ZMIZ1: variants seen among roughly 807,000 people sequenced by gnomAD.
ZMIZ1 encodes the protein zinc finger MIZ-type containing 1.
In ZMIZ1, 17 loss-of-function variants were observed where a neutral mutation model predicts 113.9. The ratio of observed to expected loss-of-function variants is 0.15; its 90% CI spans 0.10 to 0.22. The LOEUF (loss-of-function observed/expected upper bound fraction) is 0.22. Ranked by LOEUF, ZMIZ1 falls within the 10% of genes least tolerant of loss-of-function variation. The pLI, the probability that ZMIZ1 is intolerant of heterozygous loss-of-function variation, is 1.00. For synonymous variants in ZMIZ1, 607 were observed against 603.1 expected, an observed-to-expected ratio of 1.01 and a Z score of -0.09; for missense variants, 1,059 against 1,477.8, an observed-to-expected ratio of 0.72 and a Z score of 4.65.
At chr10:79,293,942 A>T in intron 12 of ZMIZ1, 1 of 544,792 alleles carries the variant, frequency 1.8e-6, no homozygotes, top group Non-Finnish European at 3.3e-6. Context: ...CTCAGCAAGC[A>T]GCAGTTCCTC....
chr10:79,072,180 G>T (rs1369675498), intron 1 of ZMIZ1, among the ~76,000 whole-genome samples: 1 of 152,184 alleles, frequency 6.6e-6, no homozygotes, highest in Non-Finnish European at 1.5e-5. Context: ...GGGGAGGAGG[G>T]TTCTTGTTCC....
chr10:79,293,750 A>G (rs1243581424), intron 12 of ZMIZ1, 97 bp downstream of exon 12: 1 of 1,562,620 alleles, frequency 6.4e-7, no homozygotes, highest in Non-Finnish European at 8.8e-7. Context: ...TGTGGCTTGG[A>G]CTCCAGCACA....
intron 5 of ZMIZ1, 21 bp downstream of exon 5, chr10:79,201,713 A>T (rs770219842): frequency 1.4e-5 from 22 of 1,609,426 alleles, no homozygotes; most frequent in Non-Finnish European, 1.9e-5. Context: ...GGCAAGGCAC[A>T]CTCCGAGGGC....
chr10:79,151,954 C>G (rs1211417242), intron 3 of ZMIZ1, among the ~76,000 whole-genome samples: 2 of 152,136 alleles, frequency 1.3e-5, no homozygotes, highest in Non-Finnish European at 2.9e-5. Flanking sequence ...TGCCTCATCT[C>G]GCCCGCCGCC....
chr10:79,307,909 T>TA (rs1444916874), intron 23 of ZMIZ1, among the ~76,000 whole-genome samples: 1 of 152,100 alleles, frequency 6.6e-6, no homozygotes, highest in Non-Finnish European at 1.5e-5. Context: ...TGCACAATCT[T>TA]ACACTCACCT....
intron 7 of ZMIZ1, among the ~76,000 whole-genome samples, chr10:79,223,837 C>A (rs1029406134): frequency 6.6e-6 from 1 of 152,234 alleles, no homozygotes; most frequent in African/African-American, 2.4e-5. Context: ...CCTCCCCCAC[C>A]TCCCTGAGGG....
chr10:79,104,019 C>T (rs1169237598), intron 1 of ZMIZ1, among the ~76,000 whole-genome samples: 2 of 152,232 alleles, frequency 1.3e-5, no homozygotes, highest in Non-Finnish European at 2.9e-5. Flanking sequence ...ATGAACTAGT[C>T]CTGCCACTCC....
At chr10:79,286,757 G>T (rs1853114262) in intron 8 of ZMIZ1, among the ~76,000 whole-genome samples, 1 of 152,262 alleles carries the variant, frequency 6.6e-6, no homozygotes, top group Non-Finnish European at 1.5e-5. Flanking sequence ...CCACGGAGCT[G>T]CAGGGCAGTT....
In ZMIZ1 at chr10:79,208,325, C is replaced by T. The variant is rs1236570938; in HGVS notation, c.61-11C>T. On this transcript the variant is annotated splice_polypyrimidine_tract_variant and intron_variant, in intron 5 of 24. Transcript: ENST00000334512. ...TTGGAGCCTCAGCCGCCTCCTTTTCCTTTCCCACAGCACTTACAGAATCCT... is the reference window on the plus strand; with the variant it reads ...TTGGAGCCTCAGCCGCCTCCTTTTCTTTTCCCACAGCACTTACAGAATCCT... 6 of 1,613,730 alleles carry T rather than the reference C, an allele frequency of 3.7e-6. No homozygotes were observed. Among genetic ancestry groups the T allele is most frequent in the Non-Finnish European group, 4.2e-6 (5 of 1,179,762 alleles).
chr10:79,302,234 G>T, intron 18 of ZMIZ1, 22 bp downstream of exon 18: 1 of 1,608,108 alleles, frequency 6.2e-7, no homozygotes, highest in Non-Finnish European at 8.5e-7. Flanking sequence ...TGGGGACGGG[G>T]GTGAGGGCCA....
chr10:79,280,519 A>G (rs1034162266), intron 8 of ZMIZ1, among the ~76,000 whole-genome samples: 1 of 151,488 alleles, frequency 6.6e-6, no homozygotes, highest in Non-Finnish European at 1.5e-5. Flanking sequence ...AAACAATCCT[A>G]CCACCTTGGC....
chr10:79,209,672 C>T (rs1031004199), intron 6 of ZMIZ1, among the ~76,000 whole-genome samples: 5 of 152,234 alleles, frequency 3.3e-5, no homozygotes, highest in African/African-American at 1.2e-4. Flanking sequence ...ACACGGCTAT[C>T]GTGACAAAGC....
intron 5 of ZMIZ1, among the ~76,000 whole-genome samples, chr10:79,206,606 C>G (rs1473162652): frequency 6.6e-6 from 1 of 152,228 alleles, no homozygotes; most frequent in Non-Finnish European, 1.5e-5. Flanking sequence ...TCACACAATT[C>G]AAATGCAGGG....
At chr10:79,108,206 C>A (rs1017653100) in intron 1 of ZMIZ1, among the ~76,000 whole-genome samples, 1 of 152,196 alleles carries the variant, frequency 6.6e-6, no homozygotes, top group African/African-American at 2.4e-5. Flanking sequence ...CACAGAGGAG[C>A]TTTTCCCTAG....
chr10:79,150,980 T>C (rs1845690436), intron 3 of ZMIZ1, among the ~76,000 whole-genome samples: 1 of 151,990 alleles, frequency 6.6e-6, no homozygotes, highest in Admixed American at 6.5e-5. Context: ...CCCACCTCAG[T>C]ATCAGCAGGG....
rs1855519771 is a variant in ZMIZ1 at position 79,316,135 on chromosome 10, T to G, written c.*3386T>G. 6.5e-6 allele frequency: 1 copy of G among 152,694 alleles called. No individual in the cohort carries two copies. Among genetic ancestry groups the G allele is most frequent in the African/African-American group, 2.4e-5 (1 of 41,456 alleles). The allele number at this position is 152,694 out of a possible 1,614,324, so 9.5% of individuals were successfully genotyped here. On this transcript the variant is annotated 3_prime_UTR_variant, in exon 25 of 25. Coordinates refer to ENST00000334512, the MANE Select transcript of ZMIZ1 (RefSeq NM_020338.4). Reference sequence around the variant, plus strand: ...AACCAAATTCATACTTTGTATAATTTTTGATATCATGATCACAGGTGATTC... The same window carrying G: ...AACCAAATTCATACTTTGTATAATTGTTGATATCATGATCACAGGTGATTC...
intron 7 of ZMIZ1, among the ~76,000 whole-genome samples, chr10:79,244,330 A>T (rs1850065197): frequency 6.6e-6 from 1 of 152,224 alleles, no homozygotes; most frequent in Non-Finnish European, 1.5e-5. Flanking sequence ...GCCTTTCAGG[A>T]GATGCCTGGT....
At chr10:79,083,113 A>C (rs1044158208) in intron 1 of ZMIZ1, among the ~76,000 whole-genome samples, 1 of 152,264 alleles carries the variant, frequency 6.6e-6, no homozygotes, top group Non-Finnish European at 1.5e-5. Context: ...CAGGTCAACA[A>C]CTTAATGCAT....
intron 18 of ZMIZ1, among the ~76,000 whole-genome samples, chr10:79,303,476 AAATT>A (rs1393667298): frequency 4.0e-5 from 6 of 150,852 alleles, no homozygotes; most frequent in Non-Finnish European, 8.9e-5. Flanking sequence ...AAAAAAAAAA[AAATT>A]GGGATGGAGG....
Sources: allele counts gnomAD v4.1 joint callset (sites outside exome capture counted in the v4.1 genomes callset), GRCh38; gene constraint gnomAD v4.1.1; transcripts MANE v1.5; gene names NCBI Gene and HGNC (gene_info 2026-07-23, HGNC 2026-07-21).